SRPK2: variants seen among roughly 807,000 people sequenced by gnomAD.
SRPK2 encodes the protein SFRS protein kinase 2.
Under a neutral mutation model 90.8 loss-of-function variants are expected in SRPK2, and 21 were observed. That is an observed-to-expected ratio of 0.23 (90% CI 0.16 to 0.33). The LOEUF (loss-of-function observed/expected upper bound fraction) is 0.33, where lower values mean the gene tolerates loss of function less well. Among genes scored for constraint, SRPK2 ranks in the 10% least tolerant of loss-of-function variants. SRPK2 has a pLI of 1.00. For synonymous variants in SRPK2, 288 were observed against 311.1 expected, an observed-to-expected ratio of 0.93 and a Z score of 0.78; for missense variants, 620 against 869.0, an observed-to-expected ratio of 0.71 and a Z score of 3.60.
chr7:105,374,133 G>C (rs1474178821), intron 2 of SRPK2, among the ~76,000 whole-genome samples: 1 of 151,852 alleles, frequency 6.6e-6, no homozygotes, highest in Non-Finnish European at 1.5e-5. Context: ...CACCATGTTG[G>C]CCAGGCTGGT....
At chr7:105,346,550 TC>T (rs1816480479) in intron 2 of SRPK2, among the ~76,000 whole-genome samples, 1 of 151,954 alleles carries the variant, frequency 6.6e-6, no homozygotes, top group African/African-American at 2.4e-5. Flanking sequence ...GGTCAGGAGT[TC>T]AAGACCAGCC....
intron 3 of SRPK2, among the ~76,000 whole-genome samples, chr7:105,195,348 C>A (rs1253418445): frequency 1.3e-5 from 2 of 152,250 alleles, no homozygotes; most frequent in East Asian, 3.8e-4. Context: ...CATGCCCGGC[C>A]TGCTAAATAT....
chr7:105,264,708 C>T (rs1296000461), intron 2 of SRPK2, among the ~76,000 whole-genome samples: 1 of 152,168 alleles, frequency 6.6e-6, no homozygotes, highest in African/African-American at 2.4e-5. Flanking sequence ...GTATCTGTTC[C>T]CTGAGAAAAT....
chr7:105,252,011 C>T (rs1266062057), intron 2 of SRPK2, among the ~76,000 whole-genome samples: 1 of 152,106 alleles, frequency 6.6e-6, no homozygotes, highest in African/African-American at 2.4e-5. Flanking sequence ...TAAAACTGAA[C>T]ATTTAAGAAA....
chr7:105,167,980 A>C (rs768156031), intron 5 of SRPK2, 28 bp downstream of exon 5: 1 of 1,515,458 alleles, frequency 6.6e-7, no homozygotes, highest in Admixed American at 2.0e-5. Context: ...AAGTTTTCTT[A>C]TATCATTCAC....
intron 2 of SRPK2, among the ~76,000 whole-genome samples, chr7:105,263,772 G>GA (rs201685214): frequency 0.012 from 1,883 of 151,744 alleles, 49 homozygotes; most frequent in African/African-American, 0.044. Flanking sequence ...CAAAAACACT[G>GA]AAAAAAAATT....
At chr7:105,273,318 G>C (rs1364552527) in intron 2 of SRPK2, among the ~76,000 whole-genome samples, 1 of 151,964 alleles carries the variant, frequency 6.6e-6, no homozygotes, top group Admixed American at 6.6e-5. Context: ...CCCCAAGCAT[G>C]CCATGCTTTT....
chr7:105,376,841 C>T (rs28427071), intron 2 of SRPK2, among the ~76,000 whole-genome samples: 1 of 98,138 alleles, frequency 1.0e-5, no homozygotes, highest in Admixed American at 1.2e-4. Context: ...CCCGCCCCCC[C>T]ACCCCCCTTT....
intron 2 of SRPK2, among the ~76,000 whole-genome samples, chr7:105,347,793 G>A (rs927847254): frequency 2.6e-5 from 4 of 151,148 alleles, no homozygotes; most frequent in Admixed American, 6.6e-5. Flanking sequence ...GGAGGCAGAG[G>A]TTGCAGTGAG....
In SRPK2 at chr7:105,280,694, T is replaced by A. The variant is rs962848827; in HGVS notation, c.72-76909A>T. The stretch of plus-strand genomic sequence containing the variant: ...CGGGCACAGTGGCTCACCCCTGTAA[T>A]CCTAGCACTTTGGGAGGCCGAGGCG... On this transcript the variant is annotated intron_variant, in intron 2 of 15. Coordinates refer to ENST00000393651, the MANE Select transcript of SRPK2 (RefSeq NM_182692.3). Among the ~76,000 whole-genome samples the A allele has an allele frequency of 1.5e-4, 22 of 146,626 alleles. 1 individual carries two copies. The highest frequency in any genetic ancestry group is 1.2e-3 in the Admixed American group (18 of 14,444).
At chr7:105,115,944 C>T (rs1671272081), downstream of SRPK2, among the ~76,000 whole-genome samples, 1 of 152,118 alleles carries the variant, frequency 6.6e-6, no homozygotes, top group Non-Finnish European at 1.5e-5. Flanking sequence ...ACATGGAAAC[C>T]TACAGCCTCA....
chr7:105,213,502 G>A (rs1797096857), intron 2 of SRPK2, among the ~76,000 whole-genome samples: 1 of 145,798 alleles, frequency 6.9e-6, no homozygotes, highest in Non-Finnish European at 1.5e-5. Flanking sequence ...CCAGTTCAAA[G>A]CCGAAGAACA....
At chr7:105,135,185 G>T (rs1802606888) in intron 11 of SRPK2, among the ~76,000 whole-genome samples, 1 of 152,186 alleles carries the variant, frequency 6.6e-6, no homozygotes, top group Non-Finnish European at 1.5e-5. Context: ...TGAAAAATTG[G>T]ATTCAAATCT....
At position 105,212,485 on chromosome 7, in the gene SRPK2, T is replaced by C. The variant is rs1796977142; in HGVS notation, c.72-8700A>G. On this transcript the variant is annotated intron_variant, in intron 2 of 15. Coordinates refer to ENST00000393651, the MANE Select transcript of SRPK2 (RefSeq NM_182692.3). Reference sequence around the variant, plus strand: ...GAGGTCCATGTCTCAGGGAACCACATCATCAAAAGCACAGAGGCCCAAACT... The same window carrying C: ...GAGGTCCATGTCTCAGGGAACCACACCATCAAAAGCACAGAGGCCCAAACT... Among the ~76,000 whole-genome samples the C allele has an allele frequency of 2.6e-5, 4 of 152,132 alleles. No individual in the cohort carries two copies. In the South Asian group the frequency reaches 8.3e-4, roughly 32 times the overall value.
intron 3 of SRPK2, among the ~76,000 whole-genome samples, chr7:105,170,967 G>A (rs1050874446): frequency 1.2e-4 from 9 of 74,488 alleles, no homozygotes; most frequent in Admixed American, 3.1e-4. Flanking sequence ...AAGAAAGAAA[G>A]AGAAAGAAAG....
At chr7:105,365,434 C>T (rs1038377667) in intron 2 of SRPK2, among the ~76,000 whole-genome samples, 5 of 142,088 alleles carry the variant, frequency 3.5e-5, no homozygotes, top group Non-Finnish European at 7.5e-5. Flanking sequence ...TGCAGTGAGC[C>T]GAGATTGCAC....
chr7:105,253,810 T>C (rs999561463), intron 2 of SRPK2, among the ~76,000 whole-genome samples: 1 of 152,184 alleles, frequency 6.6e-6, no homozygotes, highest in East Asian at 1.9e-4. Flanking sequence ...AATTAAGTCA[T>C]TGAAAATATA....
chr7:105,354,580 C>G (rs1321627418), intron 2 of SRPK2, among the ~76,000 whole-genome samples: 8 of 152,144 alleles, frequency 5.3e-5, no homozygotes. Context: ...TGCAAGAGAT[C>G]ACACCCTGTT....
At chr7:105,194,725 A>G (rs1263188202) in intron 3 of SRPK2, among the ~76,000 whole-genome samples, 1 of 152,234 alleles carries the variant, frequency 6.6e-6, no homozygotes, top group Non-Finnish European at 1.5e-5. Context: ...GGATCGAGAC[A>G]GGTCAAAACA....
Sources: allele counts gnomAD v4.1 joint callset (sites outside exome capture counted in the v4.1 genomes callset), GRCh38; gene constraint gnomAD v4.1.1; transcripts MANE v1.5; gene names NCBI Gene and HGNC (gene_info 2026-07-23, HGNC 2026-07-21).